Variants in ZFP64 observed in about 807,000 individuals in gnomAD.
ZFP64 encodes ZFP64 zinc finger protein.
Under a neutral mutation model 51.6 loss-of-function variants are expected in ZFP64, and 14 were observed. The observed-to-expected ratio is 0.27, with a 90% confidence interval of 0.18 to 0.42. The LOEUF is 0.42. Ranked by LOEUF, ZFP64 falls within the 10% of genes least tolerant of loss-of-function variation. The probability of loss-of-function intolerance (pLI) is 1.00; values close to 1 mark genes in which losing one functional copy is unlikely to be tolerated. For missense variants in ZFP64, 754 were observed against 906.8 expected (o/e 0.83, Z 2.16); for synonymous variants, 375 against 361.4 (o/e 1.04, Z -0.43).
chr20:52,090,092 T>C (rs1160092381), intron 7 of ZFP64, among the ~76,000 whole-genome samples: 1 of 152,126 alleles, frequency 6.6e-6, no homozygotes, highest in Non-Finnish European at 1.5e-5. Flanking sequence ...TTCTAGATGG[T>C]CCAGGATAGA....
chr20:52,158,574 T>C (rs1981516002), intron 5 of ZFP64, among the ~76,000 whole-genome samples: 1 of 152,062 alleles, frequency 6.6e-6, no homozygotes, highest in Non-Finnish European at 1.5e-5. Flanking sequence ...GGCATGGCAG[T>C]GTGAGCCTGT....
chr20:52,098,929 GAGGCA>G (rs766787805), intron 5 of ZFP64, among the ~76,000 whole-genome samples: 2 of 150,234 alleles, frequency 1.3e-5, no homozygotes, highest in Non-Finnish European at 2.9e-5. Context: ...TGGAACCTGG[GAGGCA>G]GAGGTTGCAG....
rs1405585657 is a variant in ZFP64, at chr20:52,085,420, T to C, written c.1229-154A>G. Among the ~76,000 whole-genome samples, 1 of 152,190 alleles carries C rather than the reference T, an allele frequency of 6.6e-6. No individual in the cohort carries two copies. Among genetic ancestry groups the C allele is most frequent in the African/African-American group, 2.4e-5 (1 of 41,446 alleles). ...TGACAACACTTGTTGTGCATATTAA[T>C]GCAATCCTCACAACAATCCTATGAG... On this transcript the variant is annotated intron_variant, in intron 8 of 8. Transcript: ENST00000361387. The surrounding 1 kb of genome is among the most constrained non-coding windows in gnomAD (Gnocchi z 4.3).
chr20:52,160,038 C>T lies in ZFP64; in HGVS notation c.763+85G>A. Reference sequence around the variant, plus strand: ...GCAAAGGTTCCAACTCGATTTCTTACATTGTGGCTGAATGCTTTAAGGTGC... The same window carrying T: ...GCAAAGGTTCCAACTCGATTTCTTATATTGTGGCTGAATGCTTTAAGGTGC... On this transcript the variant is annotated intron_variant, in intron 5 of 5. Transcript: ENST00000216923. This position sits in a 1 kb window ranked among gnomAD's most constrained non-coding sequence, Gnocchi z 4.2. 1 of 1,582,658 alleles carries T rather than the reference C, an allele frequency of 6.3e-7. No individual in the cohort carries two copies. Among genetic ancestry groups the T allele is most frequent in the Non-Finnish European group, 8.6e-7 (1 of 1,164,780 alleles).
intron 5 of ZFP64, chr20:52,110,777 A>G: frequency 6.3e-7 from 1 of 1,593,584 alleles, no homozygotes; most frequent in South Asian, 1.1e-5. Flanking sequence ...CGGGAGAGGT[A>G]GAAGACTGGG....
chr20:52,096,761 C>T (rs759285226), intron 7 of ZFP64: 5 of 188,212 alleles, frequency 2.7e-5, no homozygotes, highest in East Asian at 1.2e-4. Context: ...AGGTGGCAGG[C>T]GCCTGTAATC....
chr20:52,097,395 G>A (rs2079000097), exon 7 of ZFP64: 1 of 1,612,914 alleles, frequency 6.2e-7, no homozygotes, highest in East Asian at 2.2e-5. Context: ...TGAGATGGCG[G>A]TCCAAGTCTT....
chr20:52,093,224 T>C (rs936404623), intron 7 of ZFP64, among the ~76,000 whole-genome samples: 21 of 152,200 alleles, frequency 1.4e-4, no homozygotes, highest in African/African-American at 5.1e-4. Context: ...CACTGCAACC[T>C]GTGCCTCCCA....
At chr20:52,163,159 G>A (rs954942726) in intron 4 of ZFP64, among the ~76,000 whole-genome samples, 3 of 152,124 alleles carry the variant, frequency 2.0e-5, no homozygotes, top group East Asian at 1.9e-4. Flanking sequence ...TCGGGAGTTC[G>A]AGACTAGCCT....
At chr20:52,084,275 T>G in exon 9 of ZFP64, 1 of 430,132 alleles carries the variant, frequency 2.3e-6, no homozygotes, top group South Asian at 4.5e-5. Context: ...CTATCCCCAT[T>G]GGATAGAGCA....
Position 52,160,416 on chromosome 20 carries a change from T to C in ZFP64, c.512-42A>G. On this transcript the variant is annotated intron_variant, in intron 4 of 5. Coordinates refer to ENST00000216923, the MANE Select transcript of ZFP64 (RefSeq NM_018197.3). This position sits in a 1 kb window ranked among gnomAD's most constrained non-coding sequence, Gnocchi z 4.2. ...ACACAGATGGCAGCAGGAAACAAGA[T>C]TAAAAAAGGAAAAGGCTTATTTCCC... 4 of 1,556,030 alleles carry C rather than the reference T, an allele frequency of 2.6e-6. No homozygotes were observed. The highest frequency in any genetic ancestry group is 1.7e-4 in the Middle Eastern group (1 of 5,776).
intron 5 of ZFP64, among the ~76,000 whole-genome samples, chr20:52,136,552 G>C (rs138137258): frequency 6.6e-6 from 1 of 152,060 alleles, no homozygotes; most frequent in East Asian, 1.9e-4. Flanking sequence ...CAATAAAAAA[G>C]AATTTGACAC....
intron 5 of ZFP64, among the ~76,000 whole-genome samples, chr20:52,156,877 G>A (rs888865054): frequency 6.6e-6 from 1 of 152,086 alleles, no homozygotes; most frequent in Non-Finnish European, 1.5e-5. Context: ...ATAAATTCTA[G>A]GCAGAACAGT....
At chr20:52,130,958 C>A (rs1979694505) in intron 5 of ZFP64, among the ~76,000 whole-genome samples, 1 of 151,866 alleles carries the variant, frequency 6.6e-6, no homozygotes, top group Admixed American at 6.6e-5. Flanking sequence ...CCCAGCTACT[C>A]AGGAGGCTGA....
intron 7 of ZFP64, among the ~76,000 whole-genome samples, chr20:52,093,762 C>T (rs895825923): frequency 6.6e-6 from 1 of 152,120 alleles, no homozygotes; most frequent in Non-Finnish European, 1.5e-5. Context: ...TGCATATTAA[C>T]CACCCGGGCT....
chr20:52,189,692 T>G (rs944502176), intron 1 of ZFP64, among the ~76,000 whole-genome samples: 1 of 152,066 alleles, frequency 6.6e-6, no homozygotes, highest in African/African-American at 2.4e-5. Flanking sequence ...CAGGCTGGTC[T>G]TGAACTCCCG....
At chr20:52,095,984 C>T (rs2078984456) in intron 7 of ZFP64, among the ~76,000 whole-genome samples, 2 of 152,198 alleles carry the variant, frequency 1.3e-5, no homozygotes. Flanking sequence ...TCACTGACAT[C>T]GTCATCCTGG....
intron 5 of ZFP64, chr20:52,105,190 C>A (rs1978303036): frequency 7.0e-7 from 1 of 1,436,306 alleles, no homozygotes; most frequent in East Asian, 2.8e-5. Flanking sequence ...CAGGCCGCGG[C>A]TCCTCGGAGT....
intron 1 of ZFP64, among the ~76,000 whole-genome samples, chr20:52,190,495 G>A (rs1355651388): frequency 1.3e-5 from 2 of 151,956 alleles, no homozygotes; most frequent in Admixed American, 1.3e-4. Context: ...AAAAAACACG[G>A]GCTTGTTATG....
Sources: gnomAD v4.1 joint callset for allele counts (sites outside exome capture counted in the v4.1 genomes callset) on GRCh38, gnomAD v4.1.1 for gene constraint, Gnocchi (gnomAD v3.1) non-coding constraint, MANE v1.5 for transcripts, NCBI Gene and HGNC (gene_info 2026-07-23, HGNC 2026-07-21) for gene names.